Variants in CSMD1 observed in about 807,000 individuals in gnomAD.
The protein encoded by CSMD1 is CUB and Sushi multiple domains 1.
CSMD1 carries 213 observed loss-of-function variants against 417.5 expected under a neutral mutation model. The observed-to-expected ratio is 0.51, with a 90% CI of 0.46 to 0.57. CSMD1 has a LOEUF of 0.57. Among genes scored for constraint, CSMD1 ranks in the 20% least tolerant of loss-of-function variants. The pLI, the probability that CSMD1 is intolerant of heterozygous loss-of-function variation, is 0.00. For missense variants in CSMD1, 6,923 were observed against 4,529.7 expected, an observed-to-expected ratio of 1.53 and a Z score of -15.17; for synonymous variants, 2,862 against 1,736.8, an observed-to-expected ratio of 1.65 and a Z score of -16.11.
At chr8:4,688,394 T>C (rs1025008503) in intron 1 of CSMD1, among the ~76,000 whole-genome samples, 1 of 152,146 alleles carries the variant, frequency 6.6e-6, no homozygotes, top group African/African-American at 2.4e-5. Flanking sequence ...CGTGGCCTAA[T>C]TAATGCTCTG....
intron 5 of CSMD1, among the ~76,000 whole-genome samples, chr8:3,947,121 G>A (rs192092608): frequency 1.3e-5 from 2 of 152,250 alleles, no homozygotes; most frequent in Admixed American, 1.3e-4. Flanking sequence ...ATGAGGAATT[G>A]ATTCAGTCTT....
intron 61 of CSMD1, among the ~76,000 whole-genome samples, 184 bp from the exon 62 acceptor site, chr8:2,961,398 T>A (rs540730348): frequency 1.1e-4 from 17 of 152,316 alleles, no homozygotes; most frequent in African/African-American, 3.1e-4. Context: ...ACATGTTTTT[T>A]AGATGTTAAC....
At chr8:4,362,186 C>A (rs1801805939) in intron 3 of CSMD1, among the ~76,000 whole-genome samples, 1 of 152,122 alleles carries the variant, frequency 6.6e-6, no homozygotes, top group Non-Finnish European at 1.5e-5. Context: ...AAGAAAAAGT[C>A]CATTACATCT....
intron 52 of CSMD1, among the ~76,000 whole-genome samples, chr8:3,012,046 G>C (rs1259197050): frequency 6.6e-6 from 1 of 152,160 alleles, no homozygotes; most frequent in Non-Finnish European, 1.5e-5. Context: ...AATTAGAGCA[G>C]GTCCTTGGCA....
chr8:3,029,361 T>G lies in CSMD1; in HGVS notation c.7813A>C (p.Asn2605His). The change falls in exon 51 of 70, where the codon AAT becomes CAT. Residue 2605 changes from asparagine to histidine, a missense_variant. Transcript: ENST00000635120. ...EGWRLLRCQA[N>H]GTWNIGDERP... ...TCATCTCCTATGTTCCACGTCCCAT[T>G]GGCCTGGCACCGCAGGAGCCTCCAG... is the stretch of plus-strand genomic sequence containing the variant. 2 of 1,611,044 alleles carry G rather than the reference T, an allele frequency of 1.2e-6. No homozygotes were observed. Among genetic ancestry groups the G allele is most frequent in the Non-Finnish European group, 8.5e-7 (1 of 1,179,332 alleles).
intron 41 of CSMD1, among the ~76,000 whole-genome samples, chr8:3,132,537 G>C (rs375762250): frequency 6.6e-6 from 1 of 152,166 alleles, no homozygotes; most frequent in Non-Finnish European, 1.5e-5. Flanking sequence ...GTTCTAGATA[G>C]TGTTGGGGCT....
chr8:4,525,690 A>G (rs1325498092), intron 2 of CSMD1, among the ~76,000 whole-genome samples: 1 of 152,188 alleles, frequency 6.6e-6, no homozygotes, highest in African/African-American at 2.4e-5. Context: ...CTAAAAAATA[A>G]TAGAAGTCTC....
At chr8:4,335,545 A>T (rs1034559552) in intron 3 of CSMD1, among the ~76,000 whole-genome samples, 1 of 151,972 alleles carries the variant, frequency 6.6e-6, no homozygotes, top group Non-Finnish European at 1.5e-5. Context: ...ACCAACATCT[A>T]AATTAGCTTA....
chr8:3,999,518 A>T (rs1268796147), intron 4 of CSMD1, among the ~76,000 whole-genome samples: 1 of 152,204 alleles, frequency 6.6e-6, no homozygotes, highest in Non-Finnish European at 1.5e-5. Context: ...TGTCGGCAAC[A>T]GTAAGAGGGT....
intron 2 of CSMD1, among the ~76,000 whole-genome samples, chr8:4,435,485 G>C (rs189459780): frequency 1.2e-3 from 187 of 152,298 alleles, no homozygotes; most frequent in Middle Eastern, 0.01. Flanking sequence ...TGGAAGCCCT[G>C]TTATGATATG....
At chr8:4,065,035 A>G (rs1320702161) in intron 3 of CSMD1, among the ~76,000 whole-genome samples, 3 of 152,228 alleles carry the variant, frequency 2.0e-5, no homozygotes, top group Non-Finnish European at 4.4e-5. Context: ...AAAATCTGAA[A>G]TGATTAAAAT....
intron 7 of CSMD1, among the ~76,000 whole-genome samples, chr8:3,688,989 A>T (rs1238956183): frequency 6.6e-6 from 1 of 152,176 alleles, no homozygotes; most frequent in South Asian, 2.1e-4. Flanking sequence ...TTCACTTTCG[A>T]GGCTCTGCAT....
chr8:4,961,600 T>G (rs1809489856), intron 1 of CSMD1, among the ~76,000 whole-genome samples: 1 of 152,204 alleles, frequency 6.6e-6, no homozygotes, highest in Non-Finnish European at 1.5e-5. Context: ...ACTGTGAAAT[T>G]CTGTGCCGTT....
rs553508624 is a variant in CSMD1 at position 4,098,519 on chromosome 8, G to A, written c.416-66420C>T. Reference sequence around the variant, plus strand: ...AGTTTTAGGCCAGTTACCCAGCTGCGAAGTCAACCACAGAGAGCTGAGAAA... The same window carrying A: ...AGTTTTAGGCCAGTTACCCAGCTGCAAAGTCAACCACAGAGAGCTGAGAAA... On this transcript the variant is annotated intron_variant, in intron 3 of 69. Transcript: ENST00000635120. Among the ~76,000 whole-genome samples, 46 of 152,158 alleles carry A rather than the reference G, an allele frequency of 3.0e-4. No homozygotes were observed. The South Asian group carries it at 6.2e-3, about 21-fold the overall frequency.
At chr8:4,068,258 C>T (rs986056732) in intron 3 of CSMD1, among the ~76,000 whole-genome samples, 2 of 152,028 alleles carry the variant, frequency 1.3e-5, no homozygotes, top group Admixed American at 6.6e-5. Context: ...CAAAGGTTGC[C>T]CTCCTCGGAG....
At chr8:4,012,388 T>C (rs73182061) in intron 4 of CSMD1, among the ~76,000 whole-genome samples, 1,694 of 152,320 alleles carry the variant, frequency 0.011, 23 homozygotes, top group Non-Finnish European at 0.016. Context: ...CTTGTTGATC[T>C]CATCCAGTTT....
At chr8:4,086,204 A>T (rs1237686113) in intron 3 of CSMD1, among the ~76,000 whole-genome samples, 1 of 152,210 alleles carries the variant, frequency 6.6e-6, no homozygotes, top group Admixed American at 6.5e-5. Flanking sequence ...TTACAGCTAC[A>T]AAGTATCACA....
intron 1 of CSMD1, among the ~76,000 whole-genome samples, chr8:4,859,296 C>T (rs563719055): frequency 4.9e-4 from 75 of 152,172 alleles, no homozygotes; most frequent in African/African-American, 1.8e-3. Flanking sequence ...AACGTTAGAC[C>T]TAAAACCATA....
Position 3,284,259 on chromosome 8 carries a change from C to G in CSMD1, c.4038G>C (p.Lys1346Asn). 6.2e-7 allele frequency: 1 copy of G among 1,613,912 alleles called. No individual in the cohort carries two copies. Among genetic ancestry groups the G allele is most frequent in the Non-Finnish European group, 8.5e-7 (1 of 1,179,866 alleles). Residue 1346 changes from lysine to asparagine, a missense_variant, in exon 26 of 70, where the codon AAG becomes AAC. Physicochemically the swap from Lys to Asn is moderately conservative, Grantham distance 94. Coordinates refer to ENST00000635120, the MANE Select transcript of CSMD1 (RefSeq NM_033225.6). ...DGPVDSDILL[K>N]EWSGSALPED... ...CCGGAAGGGCGGAGCCACTCCACTCCTTCAGCAGGATGTCACTGTCCACCG... is the reference window on the plus strand; with the variant it reads ...CCGGAAGGGCGGAGCCACTCCACTCGTTCAGCAGGATGTCACTGTCCACCG...
Sources: allele counts gnomAD v4.1 joint callset (sites outside exome capture counted in the v4.1 genomes callset), GRCh38; gene constraint gnomAD v4.1.1; transcripts MANE v1.5; gene names NCBI Gene and HGNC (gene_info 2026-07-23, HGNC 2026-07-21).